Variants in KIF1A observed in about 807,000 individuals in gnomAD.
The protein encoded by KIF1A is kinesin-like protein KIF1A.
Under a neutral mutation model 227.3 loss-of-function variants are expected in KIF1A, and 46 were observed. That is an observed-to-expected ratio of 0.20 (90% CI 0.16 to 0.26). KIF1A has a LOEUF of 0.26. Ranked by LOEUF, KIF1A falls within the 10% of genes least tolerant of loss-of-function variation. KIF1A has a pLI of 1.00. For synonymous variants in KIF1A, 1,022 were observed against 1,012.8 expected, an observed-to-expected ratio of 1.01 and a Z score of -0.17; for missense variants, 1,683 against 2,485.9, an observed-to-expected ratio of 0.68 and a Z score of 6.87.
intron 1 of KIF1A, among the ~76,000 whole-genome samples, chr2:240,805,083 GAGGGAGA>G (rs2057290942): frequency 3.0e-5 from 2 of 67,746 alleles, no homozygotes; most frequent in Non-Finnish European, 5.4e-5. Context: ...AGGGAGAGGG[GAGGGAGA>G]GGGGAGGGAG....
intron 34 of KIF1A, among the ~76,000 whole-genome samples, chr2:240,742,368 G>T (rs1386649029): frequency 6.6e-6 from 1 of 152,158 alleles, no homozygotes; most frequent in Non-Finnish European, 1.5e-5. Flanking sequence ...CTGGGCCTCA[G>T]TCTGGCTGTC....
intron 14 of KIF1A, 74 bp downstream of exon 14, chr2:240,772,496 C>T: frequency 7.4e-7 from 1 of 1,354,148 alleles, no homozygotes; most frequent in South Asian, 1.3e-5. Context: ...CCCTCCCTGA[C>T]CATGCCACCC....
At chr2:240,738,096 C>T (rs2047559373) in intron 37 of KIF1A, among the ~76,000 whole-genome samples, 1 of 152,230 alleles carries the variant, frequency 6.6e-6, no homozygotes, top group African/African-American at 2.4e-5. Flanking sequence ...AGGGAAGAGG[C>T]TCAGCTGCAG....
intron 2 of KIF1A, among the ~76,000 whole-genome samples, chr2:240,794,539 A>ACT (rs1437834180): frequency 6.6e-6 from 1 of 152,196 alleles, no homozygotes; most frequent in Admixed American, 6.5e-5. Context: ...TTTCAGGAGC[A>ACT]CTCAGGTCCG....
At chr2:240,772,970 G>C in intron 13 of KIF1A, 144 bp downstream of exon 13, 1 of 877,464 alleles carries the variant, frequency 1.1e-6, no homozygotes, top group Admixed American at 2.8e-5. Context: ...GCCCAGAGGG[G>C]CTCTGGGAGC....
rs914573324 is a variant in KIF1A at position 240,758,002 on chromosome 2, A to G, written c.2582+358T>C. Among the ~76,000 whole-genome samples, 4 of 152,344 alleles carry G rather than the reference A, an allele frequency of 2.6e-5. No individual in the cohort carries two copies. Among genetic ancestry groups the G allele is most frequent in the African/African-American group, 9.6e-5 (4 of 41,582 alleles). On this transcript the variant is annotated intron_variant, in intron 26 of 48. Coordinates refer to ENST00000498729, the MANE Select transcript of KIF1A (RefSeq NM_001244008.2). This position sits in a 1 kb window ranked among gnomAD's most constrained non-coding sequence, Gnocchi z 5.2. ...CAGCCATTTGTAAGGCTCAGGTGAC[A>G]CAGCCCTGCCTCCATGTTCCCACCC... is the stretch of plus-strand genomic sequence containing the variant.
In KIF1A at chr2:240,725,415, C is replaced by T. The variant is rs369835159; in HGVS notation, c.4123-11G>A. 1.3e-4 allele frequency: 204 copies of T among 1,611,514 alleles called. No individual in the cohort carries two copies. The highest frequency in any genetic ancestry group is 2.5e-4 in the African/African-American group (19 of 74,908). On this transcript the variant is annotated splice_polypyrimidine_tract_variant and intron_variant, in intron 39 of 48. Coordinates refer to ENST00000498729, the MANE Select transcript of KIF1A (RefSeq NM_001244008.2). The surrounding 1 kb of genome is among the most constrained non-coding windows in gnomAD (Gnocchi z 5.8). ...GGTGCAGTTCTCCATCTGAGATAGG[C>T]GGGAGCAGGACTCAGGCACAAGGAC... is the stretch of plus-strand genomic sequence containing the variant.
At chr2:240,734,630 AGGGGCATGG>A in intron 38 of KIF1A, 1 of 966,502 alleles carries the variant, frequency 1.0e-6, no homozygotes, top group Non-Finnish European at 1.5e-6. Flanking sequence ...TTAACTTCTC[AGGGGCATGG>A]GGGGCGGTCA....
chr2:240,787,218 C>T (rs1477755066), intron 5 of KIF1A, 33 bp downstream of exon 5: 1 of 1,571,692 alleles, frequency 6.4e-7, no homozygotes. Context: ...CCCAGCCCTG[C>T]CCCAGCGGCC....
chr2:240,797,784 T>A lies in KIF1A; in HGVS notation c.-32A>T. On this transcript the variant is annotated 5_prime_UTR_variant, in exon 2 of 49. Transcript: ENST00000498729. ...GGCCTTCGTGGGTCACTCCTCGCAG[T>A]AGTGGGAGCCCCAGTGTGGGGGGAA... 2 of 1,400,510 alleles carry A rather than the reference T, an allele frequency of 1.4e-6. No homozygotes were observed. Among genetic ancestry groups the A allele is most frequent in the African/African-American group, 1.4e-5 (1 of 71,020 alleles). 86.8% of individuals were successfully genotyped at this position (1,400,510 alleles called of 1,614,324 possible).
rs1431025462 is a variant in KIF1A at position 240,757,529 on chromosome 2, G to A, written c.2648C>T (p.Ala883Val). The A allele has an allele frequency of 1.3e-6, 2 of 1,550,488 alleles. No individual in the cohort carries two copies. Among genetic ancestry groups the A allele is most frequent in the African/African-American group, 2.7e-5 (2 of 73,044 alleles). ...CGAGAAGGTGGGGGAGGGGGTGAGA[G>A]CAGCCATGCGCTCGCTCATGCATGT... ...LNTCMSERMA[A>V]LTPSPTFSSP... The change falls in exon 27 of 49, where the codon GCT becomes GTT. Residue 883 changes from alanine (A) to valine (V), a missense_variant. Physicochemically the swap from Ala to Val is moderately conservative, Grantham distance 64. Around this residue, in one of 12 missense-constraint regions of KIF1A, gnomAD observed 759 missense variants for 1,020.2 expected, o/e 0.74. Transcript: ENST00000498729. This position sits in a 1 kb window ranked among gnomAD's most constrained non-coding sequence, Gnocchi z 6.2.
chr2:240,719,381 A>G (rs1575513187), intron 46 of KIF1A, among the ~76,000 whole-genome samples, 183 bp from the exon 47 acceptor site: 2 of 152,310 alleles, frequency 1.3e-5, no homozygotes, highest in African/African-American at 4.8e-5. Flanking sequence ...AGACCAGACC[A>G]CCAAGCCAGC....
chr2:240,774,398 C>A (rs1241538064), intron 11 of KIF1A, 137 bp from the exon 12 acceptor site: 2 of 420,966 alleles, frequency 4.8e-6, no homozygotes, highest in Admixed American at 4.0e-5. Flanking sequence ...CTTACCCCCC[C>A]CCCCACCCCC....
At chr2:240,812,230 C>G (rs906297521) in intron 1 of KIF1A, among the ~76,000 whole-genome samples, 4 of 152,150 alleles carry the variant, frequency 2.6e-5, no homozygotes, top group Non-Finnish European at 5.9e-5. Context: ...GGGGCATCAG[C>G]AGAAAAAGCC....
In KIF1A at chr2:240,797,792, GC is replaced by G; in HGVS notation, c.-41del. The G allele has an allele frequency of 1.5e-6, 2 of 1,324,094 alleles. No homozygotes were observed. 82.0% of individuals were successfully genotyped at this position (1,324,094 alleles called of 1,614,324 possible). On this transcript the variant is annotated 5_prime_UTR_variant, in exon 2 of 49. Transcript: ENST00000498729. ...TGGGTCACTCCTCGCAGTAGTGGGA[GC>G]CCCAGTGTGGGGGGAACACCTTGGA...
rs536373510 is a variant in KIF1A at position 240,741,221 on chromosome 2, C to G, written c.3749+48G>C. The G allele has an allele frequency of 1.6e-3, 2,045 of 1,300,102 alleles. 1 individual carries two copies. Among genetic ancestry groups the G allele is most frequent in the Non-Finnish European group, 1.9e-3 (1,785 of 931,842 alleles). 80.5% of individuals were successfully genotyped at this position (1,300,102 alleles called of 1,614,324 possible). A position where few individuals can be genotyped will look rare whatever the true frequency, so the allele number is the denominator to read the frequency against. ...TCAAGTCCTCGTCCCTCTCCGCGCA[C>G]CCCCCGACACACACTCACGCCCTGG... On this transcript the variant is annotated intron_variant, in intron 35 of 48. Coordinates refer to ENST00000498729, the MANE Select transcript of KIF1A (RefSeq NM_001244008.2).
intron 7 of KIF1A, 149 bp downstream of exon 7, chr2:240,784,840 G>A (rs1478893260): frequency 7.8e-6 from 5 of 644,622 alleles, no homozygotes; most frequent in Non-Finnish European, 1.4e-5. Flanking sequence ...TCCACACCTG[G>A]TGCCAGTGTA....
At chr2:240,744,668 G>C (rs1482257623) in intron 32 of KIF1A, among the ~76,000 whole-genome samples, 1 of 152,188 alleles carries the variant, frequency 6.6e-6, no homozygotes, top group Non-Finnish European at 1.5e-5. Context: ...AAGGATAGAG[G>C]CCTAAGAAGG....
intron 37 of KIF1A, 51 bp from the exon 38 acceptor site, chr2:240,737,219 C>G (rs1290105938): frequency 6.8e-7 from 1 of 1,461,242 alleles, no homozygotes; most frequent in East Asian, 2.3e-5. Context: ...GCAGGTGGGA[C>G]CCTGGGGGGC....
Sources: gnomAD v4.1 joint callset for allele counts (sites outside exome capture counted in the v4.1 genomes callset) on GRCh38, gnomAD v4.1.1 for gene constraint, gnomAD v4.1.1 regional missense constraint, Gnocchi (gnomAD v3.1) non-coding constraint, MANE v1.5 for transcripts, NCBI Gene and HGNC (gene_info 2026-07-23, HGNC 2026-07-21) for gene names.